The following FHOD1 variants were observed in gnomAD, a reference collection of about 807,000 sequenced individuals.
FHOD1 encodes formin homology 2 domain containing 1.
In FHOD1, 89 loss-of-function variants were observed where a neutral mutation model predicts 111.6. The observed-to-expected ratio is 0.80, with a 90% confidence interval of 0.67 to 0.95. FHOD1 has a LOEUF of 0.95. FHOD1 is among the 40% of genes least tolerant of loss of function. The probability of loss-of-function intolerance (pLI) is 0.00; values close to 1 mark genes in which losing one functional copy is unlikely to be tolerated. For synonymous variants in FHOD1, 618 were observed against 639.0 expected (o/e 0.97, Z 0.50); for missense variants, 1,446 against 1,554.2 (o/e 0.93, Z 1.17).
In FHOD1 at chr16:67,237,033, C is replaced by T. The variant is rs2034511525; in HGVS notation, c.1075G>A (p.Glu359Lys). Residue 359 changes from glutamate to lysine, a missense_variant, in exon 10 of 22, where the codon GAG (glutamate) becomes AAG (lysine). Glu to Lys is a moderately conservative substitution (Grantham distance 56). Transcript: ENST00000258201. This position sits in a 1 kb window ranked among gnomAD's most constrained non-coding sequence, Gnocchi z 5.6. ...GRRERRKPSSEEGKRSRRSLE... is the reference protein window; with the variant it reads ...GRRERRKPSSKEGKRSRRSLE... ...GAACGGCGGCTCCTCTTGCCCTCCT[C>T]AGAAGAAGGCTTTCGTCGTTCCCGC... is the stretch of plus-strand genomic sequence containing the variant. 5 of 1,613,196 alleles carry T rather than the reference C, an allele frequency of 3.1e-6. No individual in the cohort carries two copies. Among genetic ancestry groups the T allele is most frequent in the African/African-American group, 1.3e-5 (1 of 75,036 alleles).
In FHOD1 at chr16:67,237,174, C is replaced by A. The variant is rs1597325026; in HGVS notation, c.994-60G>T. 8 of 1,601,814 alleles carry A rather than the reference C, an allele frequency of 5.0e-6. No individual in the cohort carries two copies. Among genetic ancestry groups the A allele is most frequent in the African/African-American group, 1.3e-5 (1 of 74,772 alleles). ...TAACGTGTATGCAGGTGGGGTGGGG[C>A]GCTGGGGACTGCGCTTCTCTCTTCC... On this transcript the variant is annotated intron_variant, in intron 9 of 21. Coordinates refer to ENST00000258201, the MANE Select transcript of FHOD1 (RefSeq NM_013241.3). This position sits in a 1 kb window ranked among gnomAD's most constrained non-coding sequence, Gnocchi z 5.6.
rs773676466 is a variant in FHOD1, at chr16:67,247,279, G to C, written c.132C>G (p.Ser44Arg). 1 of 1,612,602 alleles carries C rather than the reference G, an allele frequency of 6.2e-7. No individual in the cohort carries two copies. The highest frequency in any genetic ancestry group is 2.2e-5 in the East Asian group (1 of 44,836). ...FPEPRRAPTC[S>R]LDGALPLGAQ... ...CGCCCAAGGGCAGCGCCCCGTCCAG[G>C]CTGCAGGTGGGGGCCCGGCGCGGCT... Residue 44 changes from serine to arginine, a missense_variant, in exon 1 of 22, where the codon AGC (serine) becomes AGG (arginine). Ser to Arg is a moderately radical substitution (Grantham distance 110). Transcript: ENST00000258201.
rs553201423 is a variant in FHOD1 at position 67,230,479 on chromosome 16, G to A, written c.2886C>T (p.Gly962=). The A allele has an allele frequency of 4.3e-6, 7 of 1,614,136 alleles. No individual in the cohort carries two copies. In the African/African-American group the frequency reaches 5.3e-5, roughly 12 times the overall value. Residue 962 remains glycine, a synonymous_variant, in exon 19 of 22, where the codon GGC becomes GGT. Transcript: ENST00000258201. ...NRFHAFLLYL[G]YTPQAAREVR... ...CTTCACGGGCCGCCTGCGGGGTGTA[G>A]CCCAGGTAGAGCAGGAAGGCATGGA...
chr16:67,232,371 T>C (rs1168084292), intron 13 of FHOD1, among the ~76,000 whole-genome samples, 177 bp from the exon 14 acceptor site: 1 of 151,768 alleles, frequency 6.6e-6, no homozygotes, highest in African/African-American at 2.4e-5. Flanking sequence ...CAAAAAAAAT[T>C]AGCTGGGCGT....
chr16:67,232,148 T>G lies in FHOD1; in HGVS notation c.2093A>C (p.Lys698Thr). Residue 698 changes from lysine (K) to threonine (T), a missense_variant, in exon 14 of 22, where the codon AAG becomes ACG. Around this residue, in one of 3 missense-constraint regions of FHOD1, gnomAD observed 1,085 missense variants for 1,108.8 expected, o/e 0.98. Coordinates refer to ENST00000258201, the MANE Select transcript of FHOD1 (RefSeq NM_013241.3). The part of the protein sequence containing the change: ...RRTMTTVLDP[K>T]RSNAINIGLT... ...GCCGATGTTGATGGCGTTGCTGCGCTTGGGGTCCAGCACTGTGGTCATTGT... is the reference window on the plus strand; with the variant it reads ...GCCGATGTTGATGGCGTTGCTGCGCGTGGGGTCCAGCACTGTGGTCATTGT... 2 of 1,614,176 alleles carry G rather than the reference T, an allele frequency of 1.2e-6. No homozygotes were observed. Among genetic ancestry groups the G allele is most frequent in the South Asian group, 1.1e-5 (1 of 91,088 alleles).
chr16:67,236,826 T>C (rs1282868638), intron 10 of FHOD1, 93 bp from the exon 11 acceptor site: 2 of 1,154,436 alleles, frequency 1.7e-6, no homozygotes, highest in Non-Finnish European at 2.3e-6. Flanking sequence ...AGGTGGGGCA[T>C]GTCGGTAGGG....
rs1387237645 is a variant in FHOD1 at position 67,238,886 on chromosome 16, T to C, written c.373+17A>G. The C allele has an allele frequency of 6.2e-7, 1 of 1,613,754 alleles. No homozygotes were observed. The highest frequency in any genetic ancestry group is 8.5e-7 in the Non-Finnish European group (1 of 1,179,740). On this transcript the variant is annotated intron_variant, in intron 3 of 21. Transcript: ENST00000258201. This position sits in a 1 kb window ranked among gnomAD's most constrained non-coding sequence, Gnocchi z 4.2. ...GGGAGGAGGTGCTGCTGGACATGGA[T>C]GCTCTCACACACTCACCCAAGATAG...
rs920877703 is a variant in FHOD1, at chr16:67,229,416, G to A, written c.*220C>T. On this transcript the variant is annotated 3_prime_UTR_variant, in exon 22 of 22. Coordinates refer to ENST00000258201, the MANE Select transcript of FHOD1 (RefSeq NM_013241.3). ...GGATTAGCTAAGAAAATTTTATTTT[G>A]CTCCGTGCGTTCAAGGAGCTCACAC... 1.7e-6 allele frequency: 1 copy of A among 597,540 alleles called. No homozygotes were observed. The highest frequency in any genetic ancestry group is 2.8e-5 in the East Asian group (1 of 35,886). 37.0% of individuals were successfully genotyped at this position (597,540 alleles called of 1,614,324 possible). A position where few individuals can be genotyped will look rare whatever the true frequency, so the allele number is the denominator to read the frequency against.
chr16:67,236,008 G>A, intron 11 of FHOD1: 2 of 979,992 alleles, frequency 2.0e-6, no homozygotes, highest in Middle Eastern at 5.3e-4. Flanking sequence ...GCCGGCCTCT[G>A]TACTTACTCC....
chr16:67,244,449 G>A (rs981676693), intron 1 of FHOD1, among the ~76,000 whole-genome samples: 3 of 152,138 alleles, frequency 2.0e-5, no homozygotes, highest in Admixed American at 6.5e-5. Flanking sequence ...CCCGGCCCAA[G>A]ACACTGTCAA....
chr16:67,235,529 C>CA (rs539631946), intron 11 of FHOD1, among the ~76,000 whole-genome samples: 8,697 of 71,174 alleles, frequency 0.12, 704 homozygotes, highest in African/African-American at 0.3. Flanking sequence ...GACTCTGTCT[C>CA]AAAAAAAAAA....
rs2034222831 is a variant in FHOD1 at position 67,230,587 on chromosome 16, G to A, written c.2858+14C>T. The A allele has an allele frequency of 1.2e-6, 2 of 1,614,048 alleles. No individual in the cohort carries two copies. The highest frequency in any genetic ancestry group is 8.5e-7 in the Non-Finnish European group (1 of 1,179,924). On this transcript the variant is annotated intron_variant, in intron 18 of 21. Coordinates refer to ENST00000258201, the MANE Select transcript of FHOD1 (RefSeq NM_013241.3). ...GTGGTGGCCGTCCTGCCTCTCTTGGGTCCATGCCCCTACCTATTGCAGACA... is the reference window on the plus strand; with the variant it reads ...GTGGTGGCCGTCCTGCCTCTCTTGGATCCATGCCCCTACCTATTGCAGACA...
chr16:67,239,229 T>C (rs966613123), intron 2 of FHOD1, 119 bp downstream of exon 2: 5 of 848,012 alleles, frequency 5.9e-6, no homozygotes, highest in South Asian at 2.9e-5. Flanking sequence ...CACACTTCCC[T>C]GGGGCAGGAG....
At chr16:67,233,022 G>T (rs1410267524) in intron 13 of FHOD1, among the ~76,000 whole-genome samples, 1 of 151,286 alleles carries the variant, frequency 6.6e-6, no homozygotes, top group Non-Finnish European at 1.5e-5. Context: ...CTCCCAAAGT[G>T]CTGGGATTAC....
Position 67,234,048 on chromosome 16 carries a change from T to A in FHOD1, c.1655A>T (p.Asp552Val). 1 of 1,613,756 alleles carries A rather than the reference T, an allele frequency of 6.2e-7. No homozygotes were observed. Among genetic ancestry groups the A allele is most frequent in the Non-Finnish European group, 8.5e-7 (1 of 1,179,926 alleles). The change falls in exon 13 of 22, where the codon GAT becomes GTT. Residue 552 changes from aspartate to valine, a missense_variant. By Grantham distance (152) the Asp-to-Val change is radical (BLOSUM62 -3). This residue lies in a region of FHOD1 where 1,085 missense variants were observed against 1,108.8 expected (regional missense o/e 0.98). Transcript: ENST00000258201. ...TACATTCAGCATGTCCTGGTCTTCA[T>A]CCTCCCCTAGATCTGAAAAGTCCAG... ...GDLDFSDLGE[D>V]EDQDMLNVES...
At chr16:67,243,969 C>T (rs1051469178) in intron 1 of FHOD1, among the ~76,000 whole-genome samples, 3 of 152,146 alleles carry the variant, frequency 2.0e-5, no homozygotes, top group African/African-American at 7.2e-5. Context: ...CATGCCCACA[C>T]CTCAGTTTTC....
chr16:67,240,853 G>A (rs868844774), intron 1 of FHOD1, among the ~76,000 whole-genome samples: 18 of 152,362 alleles, frequency 1.2e-4, no homozygotes, highest in African/African-American at 3.4e-4. Flanking sequence ...TTGGCCCAGG[G>A]AGAGCCCACC....
Position 67,236,706 on chromosome 16 carries a change from G to C in FHOD1, c.1170C>G (p.Gly390=). 6.3e-7 allele frequency: 1 copy of C among 1,575,844 alleles called. No individual in the cohort carries two copies. The highest frequency in any genetic ancestry group is 8.6e-7 in the Non-Finnish European group (1 of 1,160,804). Residue 390 remains glycine (G), a synonymous_variant, in exon 11 of 22, where the codon GGC becomes GGG. Transcript: ENST00000258201. ...GGGCGGGGCCGGTGGAAGAGGTGGG[G>C]CCTACCGGTGAGGCGGGGCCTGTGG... ...PGPTGPASPV[G]PTSSTGPALL...
Position 67,229,992 on chromosome 16 carries a change from TG to T in FHOD1, c.3215-3del. 6.2e-7 allele frequency: 1 copy of T among 1,613,624 alleles called. No homozygotes were observed. On this transcript the variant is annotated splice_region_variant and splice_polypyrimidine_tract_variant and intron_variant, in intron 20 of 21. Coordinates refer to ENST00000258201, the MANE Select transcript of FHOD1 (RefSeq NM_013241.3). ...TTGGGGAGCTGCTCTGGACCATGCC[TG>T]AGGAAGGCCAGATAGCAAAGTCAGG...
Sources: gnomAD v4.1 joint callset for allele counts (sites outside exome capture counted in the v4.1 genomes callset) on GRCh38, gnomAD v4.1.1 for gene constraint, gnomAD v4.1.1 regional missense constraint, Gnocchi (gnomAD v3.1) non-coding constraint, MANE v1.5 for transcripts, NCBI Gene and HGNC (gene_info 2026-07-23, HGNC 2026-07-21) for gene names.